The following CHMP4C variants were observed in gnomAD, a reference collection of about 807,000 sequenced individuals.
The protein encoded by CHMP4C is charged multivesicular body protein 4C.
A neutral mutation model predicts 29.0 loss-of-function variants in CHMP4C; 28 were observed. The ratio of observed to expected loss-of-function variants is 0.97; its 90% CI spans 0.72 to 1.32. The LOEUF (loss-of-function observed/expected upper bound fraction) is 1.32, where lower values mean the gene tolerates loss of function less well. CHMP4C is among the 40% of genes most tolerant of loss of function. The pLI is 0.00. For synonymous variants in CHMP4C, 106 were observed against 102.4 expected, an observed-to-expected ratio of 1.04 and a Z score of -0.21; for missense variants, 291 against 281.0, an observed-to-expected ratio of 1.04 and a Z score of -0.25.
chr8:81,734,078 A>G (rs949336439), intron 1 of CHMP4C, among the ~76,000 whole-genome samples: 1 of 152,228 alleles, frequency 6.6e-6, no homozygotes, highest in African/African-American at 2.4e-5. Flanking sequence ...TTTAGAGGTA[A>G]GTACTGATTT....
chr8:81,755,318 TC>T (rs2130496617), intron 2 of CHMP4C, 51 bp from the exon 3 acceptor site: 1 of 993,140 alleles, frequency 1.0e-6, no homozygotes, highest in Admixed American at 2.0e-5. Flanking sequence ...ATATCTAAAT[TC>T]ATAATTATAA....
At chr8:81,747,386 G>A (rs1039723254) in intron 1 of CHMP4C, among the ~76,000 whole-genome samples, 2 of 151,712 alleles carry the variant, frequency 1.3e-5, no homozygotes, top group Non-Finnish European at 1.5e-5. Context: ...ATGGGTACCC[G>A]TTCGGTTCCA....
rs1030217572 is a variant in CHMP4C, at chr8:81,758,845, A to T, written c.*301A>T. Reference sequence around the variant, plus strand: ...AAGAAACCCTGTCTGTACTAAAAATACAAAAATTAGCCGGACATGGTGGCA... The same window carrying T: ...AAGAAACCCTGTCTGTACTAAAAATTCAAAAATTAGCCGGACATGGTGGCA... On this transcript the variant is annotated 3_prime_UTR_variant, in exon 5 of 5. Transcript: ENST00000297265. The T allele has an allele frequency of 2.6e-5, 6 of 231,538 alleles. No individual in the cohort carries two copies. In the Admixed American group the frequency reaches 2.7e-4, roughly 10 times the overall value. The allele number at this position is 231,538 out of a possible 1,614,324, so 14.3% of individuals were successfully genotyped here.
In CHMP4C at chr8:81,734,160, A is replaced by C. The variant is rs542987395; in HGVS notation, c.190+1344A>C. ...GCAATTTCTAAAGAAAGACCATGTC[A>C]TTATGGCTTGCTAAAAATGTTGTTG... On this transcript the variant is annotated intron_variant, in intron 1 of 4. Coordinates refer to ENST00000297265, the MANE Select transcript of CHMP4C (RefSeq NM_152284.4). Among the ~76,000 whole-genome samples, 6 of 152,348 alleles carry C rather than the reference A, an allele frequency of 3.9e-5. No individual in the cohort carries two copies. The South Asian group carries it at 1.2e-3, about 32-fold the overall frequency.
At chr8:81,734,012 C>CCAA (rs1554592123) in intron 1 of CHMP4C, among the ~76,000 whole-genome samples, 1 of 152,170 alleles carries the variant, frequency 6.6e-6, no homozygotes, top group Non-Finnish European at 1.5e-5. Context: ...CCACTTACCA[C>CCAA]CAACAATAAG....
intron 2 of CHMP4C, among the ~76,000 whole-genome samples, chr8:81,753,813 C>T (rs925546888): frequency 2.0e-5 from 3 of 152,018 alleles, no homozygotes; most frequent in Non-Finnish European, 2.9e-5. Context: ...TATTCAGTTT[C>T]CTTATATGTA....
At chr8:81,751,011 A>G (rs1366049929) in intron 1 of CHMP4C, among the ~76,000 whole-genome samples, 1 of 152,196 alleles carries the variant, frequency 6.6e-6, no homozygotes, top group Admixed American at 6.5e-5. Context: ...TAATTTTATT[A>G]TCAAACTTTT....
In CHMP4C at chr8:81,755,379, C is replaced by A. The variant is rs1015669530; in HGVS notation, c.378C>A (p.Asn126Lys). 1.3e-6 allele frequency: 2 copies of A among 1,597,864 alleles called. No individual in the cohort carries two copies. Among genetic ancestry groups the A allele is most frequent in the Non-Finnish European group, 1.7e-6 (2 of 1,167,814 alleles). ...AAATATGATTTCCCAGGGATCTGAA[C>A]AAAATAGATGATTTGATGCAAGAGA... is the stretch of plus-strand genomic sequence containing the variant. ...MKSVHENMDL[N>K]KIDDLMQEIT... Residue 126 changes from asparagine (N) to lysine (K), a missense_variant, in exon 3 of 5, where the codon AAC (asparagine) becomes AAA (lysine). Asn to Lys is a moderately conservative substitution (Grantham distance 94). Transcript: ENST00000297265.
In CHMP4C at chr8:81,733,027, T is replaced by C. The variant is rs992422078; in HGVS notation, c.190+211T>C. The C allele has an allele frequency of 1.0e-4, 41 of 411,262 alleles. 2 individuals are homozygous for C. In the South Asian group the frequency reaches 3.3e-3, roughly 33 times the overall value. 25.5% of individuals were successfully genotyped at this position (411,262 alleles called of 1,614,324 possible). A position where few individuals can be genotyped will look rare whatever the true frequency, so the allele number is the denominator to read the frequency against. On this transcript the variant is annotated intron_variant, in intron 1 of 4. Coordinates refer to ENST00000297265, the MANE Select transcript of CHMP4C (RefSeq NM_152284.4). ...AAAATGTAAGGGGCCGCCAAAAATC[T>C]CAGTAATCAAGATGAACAATACTTT... is the stretch of plus-strand genomic sequence containing the variant.
chr8:81,732,857 T>A, intron 1 of CHMP4C, 41 bp downstream of exon 1: 1 of 1,570,578 alleles, frequency 6.4e-7, no homozygotes, highest in Non-Finnish European at 8.7e-7. Flanking sequence ...CCCATCTGCC[T>A]CTAGCCTTTC....
chr8:81,753,906 G>C (rs1267768304), intron 2 of CHMP4C, among the ~76,000 whole-genome samples: 1 of 151,976 alleles, frequency 6.6e-6, no homozygotes, highest in African/African-American at 2.4e-5. Context: ...ACTTAGTATA[G>C]TTCCTGGCAC....
intron 1 of CHMP4C, among the ~76,000 whole-genome samples, chr8:81,744,296 C>T (rs1808797070): frequency 6.6e-6 from 1 of 152,122 alleles, no homozygotes; most frequent in African/African-American, 2.4e-5. Flanking sequence ...CAGACAGAAA[C>T]TTTTCAGTGG....
rs1808633047 is a variant in CHMP4C, at chr8:81,732,676, G to A, written c.50G>A (p.Arg17Gln). 1 of 1,578,460 alleles carries A rather than the reference G, an allele frequency of 6.3e-7. No homozygotes were observed. The highest frequency in any genetic ancestry group is 1.3e-5 in the African/African-American group (1 of 74,530). ...AAAGGGGGCGGCTCTTCTAAGAGCC[G>A]AGCCGCTCCCAGTCCCCAGGAGGCC... ...FFKGGGSSKS[R>Q]AAPSPQEALV... The change falls in exon 1 of 5, where the codon CGA becomes CAA. Residue 17 changes from arginine to glutamine, a missense_variant. Transcript: ENST00000297265.
intron 1 of CHMP4C, among the ~76,000 whole-genome samples, chr8:81,743,187 G>A (rs1354877726): frequency 6.6e-6 from 1 of 151,692 alleles, no homozygotes; most frequent in African/African-American, 2.4e-5. Flanking sequence ...ATGATATATT[G>A]CTGCATAAGA....
At chr8:81,736,668 A>AG (rs1736107111) in intron 1 of CHMP4C, among the ~76,000 whole-genome samples, 1 of 152,128 alleles carries the variant, frequency 6.6e-6, no homozygotes. Context: ...CACCTCTAAT[A>AG]GGGCACAGCA....
At chr8:81,743,400 G>A (rs539361272) in intron 1 of CHMP4C, among the ~76,000 whole-genome samples, 1 of 151,818 alleles carries the variant, frequency 6.6e-6, no homozygotes, top group African/African-American at 2.4e-5. Flanking sequence ...ATGATAACAG[G>A]CCCCCAAAAT....
chr8:81,733,892 C>G (rs1027242459), intron 1 of CHMP4C, among the ~76,000 whole-genome samples: 1 of 152,176 alleles, frequency 6.6e-6, no homozygotes, highest in African/African-American at 2.4e-5. Flanking sequence ...AGATTTGGCT[C>G]ACTCTACAGG....
chr8:81,745,500 T>C (rs1377232144), intron 1 of CHMP4C, among the ~76,000 whole-genome samples: 2 of 152,206 alleles, frequency 1.3e-5, no homozygotes, highest in Admixed American at 1.3e-4. Context: ...TCCTATACAT[T>C]ACATGAGCAA....
intron 2 of CHMP4C, among the ~76,000 whole-genome samples, chr8:81,754,861 A>G (rs895350454): frequency 3.9e-5 from 6 of 152,144 alleles, no homozygotes; most frequent in Admixed American, 1.3e-4. Flanking sequence ...CATCACCGCT[A>G]TGCAAAAACC....
Sources: gnomAD v4.1 joint callset for allele counts (sites outside exome capture counted in the v4.1 genomes callset) on GRCh38, gnomAD v4.1.1 for gene constraint, MANE v1.5 for transcripts, NCBI Gene and HGNC (gene_info 2026-07-23, HGNC 2026-07-21) for gene names.